Variants in VTI1A observed in about 807,000 individuals in gnomAD.
VTI1A encodes vesicle transport through interaction with t-SNAREs 1A.
Under a neutral mutation model 34.9 loss-of-function variants are expected in VTI1A, and 22 were observed. The ratio of observed to expected loss-of-function variants is 0.63; its 90% CI spans 0.45 to 0.90. VTI1A has a LOEUF of 0.90. VTI1A is among the 40% of genes least tolerant of loss of function. The pLI is 0.00. For missense variants in VTI1A, 268 were observed against 275.6 expected (o/e 0.97, Z 0.20); for synonymous variants, 87 against 97.3 (o/e 0.89, Z 0.62).
At chr10:112,842,870 C>T in the VTI1A span, among the ~76,000 whole-genome samples, 6 of 152,172 alleles carry the variant, frequency 3.9e-5, no homozygotes, top group Non-Finnish European at 7.3e-5. Flanking sequence ...AGAAGCCACT[C>T]TGGGTATTCC....
chr10:112,458,840 G>A (rs1847634426), intron 1 of VTI1A, among the ~76,000 whole-genome samples: 1 of 151,756 alleles, frequency 6.6e-6, no homozygotes, highest in Non-Finnish European at 1.5e-5. Context: ...CTAATTTTTT[G>A]TATTTTTAGT....
intron 5 of VTI1A, among the ~76,000 whole-genome samples, chr10:112,618,307 A>G (rs193101595): frequency 2.0e-5 from 3 of 151,576 alleles, no homozygotes; most frequent in East Asian, 1.9e-4. Flanking sequence ...GATAAGTAGC[A>G]TTTAACAGTG....
At chr10:112,756,224 G>A (rs1590155997) in intron 7 of VTI1A, among the ~76,000 whole-genome samples, 1 of 152,170 alleles carries the variant, frequency 6.6e-6, no homozygotes, top group Non-Finnish European at 1.5e-5. Context: ...CATAAGGAAT[G>A]TGCAATTAAG....
chr10:112,531,062 C>CACA (rs774598227), intron 4 of VTI1A, among the ~76,000 whole-genome samples: 1 of 82,606 alleles, frequency 1.2e-5, no homozygotes, highest in African/African-American at 5.4e-5. Context: ...CGTGACACAC[C>CACA]TCACACACAC....
intron 7 of VTI1A, among the ~76,000 whole-genome samples, chr10:112,718,932 A>G (rs1849700526): frequency 6.6e-6 from 1 of 152,224 alleles, no homozygotes. Context: ...CAACTCAGTT[A>G]TCAACCAGAA....
intron 7 of VTI1A, among the ~76,000 whole-genome samples, chr10:112,799,869 G>A (rs750728029): frequency 3.3e-5 from 5 of 152,120 alleles, no homozygotes; most frequent in Non-Finnish European, 5.9e-5. Context: ...GCCACAGCAG[G>A]GCACCCCTCC....
At chr10:112,592,436 C>T (rs984236123) in intron 5 of VTI1A, among the ~76,000 whole-genome samples, 3 of 152,206 alleles carry the variant, frequency 2.0e-5, no homozygotes, top group African/African-American at 7.2e-5. Flanking sequence ...AAGGACCTCT[C>T]CTCCATAAAG....
intron 5 of VTI1A, among the ~76,000 whole-genome samples, chr10:112,545,560 A>G (rs1397316261): frequency 6.6e-6 from 1 of 152,196 alleles, no homozygotes; most frequent in Admixed American, 6.5e-5. Flanking sequence ...TCAATTTTGC[A>G]TCAATCTAAA....
chr10:112,599,102 A>G (rs961584259), intron 5 of VTI1A, among the ~76,000 whole-genome samples: 1 of 152,192 alleles, frequency 6.6e-6, no homozygotes, highest in African/African-American at 2.4e-5. Context: ...TCAACCTTCC[A>G]GAAACTTCTC....
intron 7 of VTI1A, among the ~76,000 whole-genome samples, chr10:112,694,385 G>C (rs1001041971): frequency 1.1e-4 from 16 of 151,688 alleles, no homozygotes; most frequent in Admixed American, 5.2e-4. Context: ...TGGATGGATG[G>C]GTGGATGGAT....
intron 3 of VTI1A, among the ~76,000 whole-genome samples, chr10:112,525,729 G>T (rs1265236058): frequency 1.4e-5 from 2 of 144,260 alleles, no homozygotes; most frequent in Non-Finnish European, 3.0e-5. Flanking sequence ...TCTGTGTTTT[G>T]TGGTTAAGAT....
At chr10:112,483,237 T>G (rs1053710971) in intron 3 of VTI1A, among the ~76,000 whole-genome samples, 2 of 152,066 alleles carry the variant, frequency 1.3e-5, no homozygotes, top group African/African-American at 4.8e-5. Flanking sequence ...ATCATTACAT[T>G]TAAATTTGCC....
At chr10:112,625,953 T>C (rs931770918) in intron 5 of VTI1A, among the ~76,000 whole-genome samples, 2 of 152,260 alleles carry the variant, frequency 1.3e-5, no homozygotes, top group African/African-American at 4.8e-5. Context: ...ACTTCAGCAG[T>C]AGCTGCACAA....
intron 7 of VTI1A, among the ~76,000 whole-genome samples, chr10:112,741,273 T>C (rs1278976085): frequency 6.6e-6 from 1 of 152,080 alleles, no homozygotes; most frequent in African/African-American, 2.4e-5. Flanking sequence ...CTGGCCAACA[T>C]GGTGGAACCC....
intron 1 of VTI1A, among the ~76,000 whole-genome samples, chr10:112,453,834 G>A (rs1847329594): frequency 6.6e-6 from 1 of 152,108 alleles, no homozygotes; most frequent in Admixed American, 6.5e-5. Flanking sequence ...CAGTAGGTGT[G>A]CACATTACTC....
intron 5 of VTI1A, among the ~76,000 whole-genome samples, chr10:112,564,036 T>A (rs1851818467): frequency 6.6e-6 from 1 of 152,066 alleles, no homozygotes; most frequent in Admixed American, 6.6e-5. Flanking sequence ...GATTAAAATA[T>A]CTACTAAAAT....
chr10:112,754,503 A>G (rs1851214787), intron 7 of VTI1A, among the ~76,000 whole-genome samples: 1 of 152,386 alleles, frequency 6.6e-6, no homozygotes, highest in Middle Eastern at 3.4e-3. Context: ...AAAACCACAA[A>G]GAAAAAGTTC....
intron 4 of VTI1A, among the ~76,000 whole-genome samples, chr10:112,537,028 G>T (rs934958651): frequency 1.3e-5 from 2 of 151,872 alleles, no homozygotes; most frequent in African/African-American, 4.8e-5. Context: ...ATCCATGGGG[G>T]CTCATTAGAG....
intron 7 of VTI1A, among the ~76,000 whole-genome samples, chr10:112,768,281 A>G (rs1011644762): frequency 2.0e-5 from 3 of 152,222 alleles, no homozygotes; most frequent in Non-Finnish European, 4.4e-5. Context: ...CACCCTGGAA[A>G]TGTAATTACT....
Sources: gnomAD v4.1 joint callset for allele counts (sites outside exome capture counted in the v4.1 genomes callset) on GRCh38, gnomAD v4.1.1 for gene constraint, MANE v1.5 for transcripts, NCBI Gene and HGNC (gene_info 2026-07-23, HGNC 2026-07-21) for gene names.